Variants in SCARA5 observed in about 807,000 individuals in gnomAD.
SCARA5 encodes scavenger receptor class A member 5.
A neutral mutation model predicts 46.3 loss-of-function variants in SCARA5; 45 were observed. That is an observed-to-expected ratio of 0.97 (90% CI 0.76 to 1.24). The LOEUF is 1.24. Among genes scored for constraint, SCARA5 ranks in the 50% most tolerant of loss-of-function variants. The pLI, the probability that SCARA5 is intolerant of heterozygous loss-of-function variation, is 0.00. For missense variants in SCARA5, 680 were observed against 689.0 expected, an observed-to-expected ratio of 0.99 and a Z score of 0.15; for synonymous variants, 333 against 306.5, an observed-to-expected ratio of 1.09 and a Z score of -0.90.
intron 4 of SCARA5, among the ~76,000 whole-genome samples, chr8:27,910,884 C>T (rs1336082892): frequency 2.0e-5 from 3 of 152,204 alleles, no homozygotes; most frequent in Admixed American, 6.5e-5. Context: ...TTCTGTCATA[C>T]ATGATTGGAT....
At position 27,943,063 on chromosome 8, in the gene SCARA5, C is replaced by T. The variant is rs193251166; in HGVS notation, c.242-20818G>A. ...TCCCTGCTGGCTCCTTGATAGGAAG[C>T]CAGTGGTGGGAGAGGTGCAGTCCTG... On this transcript the variant is annotated intron_variant, in intron 3 of 8. Transcript: ENST00000354914. Among the ~76,000 whole-genome samples, 949 of 152,288 alleles carry T rather than the reference C, an allele frequency of 6.2e-3. 52 individuals are homozygous for T. The highest frequency in any genetic ancestry group is 0.055 in the Admixed American group (839 of 15,296).
At chr8:27,918,727 T>G (rs1344076710) in intron 4 of SCARA5, among the ~76,000 whole-genome samples, 143 of 11,644 alleles carry the variant, frequency 0.012, no homozygotes, top group South Asian at 0.021. Context: ...ATGAGGAGGA[T>G]AAAGAGGAGC....
In SCARA5 at chr8:27,909,650, G is replaced by A. The variant is rs923174987; in HGVS notation, c.997+13C>T. On this transcript the variant is annotated intron_variant, in intron 5 of 8. Transcript: ENST00000354914. ...GATCTCTCCCAGGTACCACCCAGGGGCACGCTCATTACCTCGAAGTCCAGG... is the reference window on the plus strand; with the variant it reads ...GATCTCTCCCAGGTACCACCCAGGGACACGCTCATTACCTCGAAGTCCAGG... 1 of 1,524,942 alleles carries A rather than the reference G, an allele frequency of 6.6e-7. No homozygotes were observed. Among genetic ancestry groups the A allele is most frequent in the Non-Finnish European group, 8.9e-7 (1 of 1,122,804 alleles). 94.5% of individuals were successfully genotyped at this position (1,524,942 alleles called of 1,614,324 possible).
At position 27,909,658 on chromosome 8, in the gene SCARA5, A is replaced by T. The variant is rs1328039815; in HGVS notation, c.997+5T>A. ...CCAGGTACCACCCAGGGGCACGCTC[A>T]TTACCTCGAAGTCCAGGCAATCCAG... On this transcript the variant is annotated splice_donor_5th_base_variant and intron_variant, in intron 5 of 8. Transcript: ENST00000354914. The T allele has an allele frequency of 3.2e-6, 5 of 1,544,434 alleles. No individual in the cohort carries two copies. In the East Asian group the frequency reaches 1.2e-4, roughly 38 times the overall value.
At chr8:27,914,103 G>A (rs998275615) in intron 4 of SCARA5, among the ~76,000 whole-genome samples, 3 of 152,190 alleles carry the variant, frequency 2.0e-5, no homozygotes, top group African/African-American at 7.2e-5. Context: ...TCTCGTGATA[G>A]TGAATAAGTC....
intron 7 of SCARA5, among the ~76,000 whole-genome samples, chr8:27,900,426 C>G (rs2726980): frequency 0.62 from 94,334 of 152,126 alleles, 32,122 homozygotes; most frequent in Non-Finnish European, 0.76. Context: ...ACACTGCATG[C>G]TGGGGTGCCC....
chr8:27,926,709 G>A (rs1210523839), intron 3 of SCARA5, among the ~76,000 whole-genome samples: 2 of 152,170 alleles, frequency 1.3e-5, no homozygotes, highest in Non-Finnish European at 2.9e-5. Context: ...TTGATCTCAA[G>A]TGTGAGATGG....
chr8:27,951,802 CG>C (rs1459800644), intron 3 of SCARA5, among the ~76,000 whole-genome samples: 1 of 152,150 alleles, frequency 6.6e-6, no homozygotes, highest in African/African-American at 2.4e-5. Context: ...ACATTTTTCA[CG>C]GGGAATGACT....
intron 1 of SCARA5, among the ~76,000 whole-genome samples, 159 bp downstream of exon 1, chr8:27,992,098 C>T (rs1808795705): frequency 6.6e-6 from 1 of 152,198 alleles, no homozygotes; most frequent in African/African-American, 2.4e-5. Flanking sequence ...GCGGGCCCAG[C>T]AGGCGGGGAC....
At chr8:27,974,824 C>T (rs535171949) in intron 2 of SCARA5, among the ~76,000 whole-genome samples, 1 of 151,840 alleles carries the variant, frequency 6.6e-6, no homozygotes, top group Non-Finnish European at 1.5e-5. Context: ...GGAGTCACAG[C>T]GGACCCAGGG....
At chr8:27,917,093 C>T (rs1481604903) in intron 4 of SCARA5, among the ~76,000 whole-genome samples, 1 of 152,182 alleles carries the variant, frequency 6.6e-6, no homozygotes. Flanking sequence ...TTTTGGACTG[C>T]CCAGTCCTAG....
chr8:27,918,796 G>C (rs1371817737), intron 4 of SCARA5, among the ~76,000 whole-genome samples: 15 of 65,282 alleles, frequency 2.3e-4, no homozygotes, highest in Non-Finnish European at 4.8e-4. Flanking sequence ...AGGAGAAAGA[G>C]GAGGAGGAGG....
chr8:27,873,311 A>G (rs1443700780), intron 8 of SCARA5, among the ~76,000 whole-genome samples: 5 of 151,904 alleles, frequency 3.3e-5, no homozygotes, highest in Non-Finnish European at 7.4e-5. Flanking sequence ...ACACTTCAAC[A>G]CTATTTTATG....
chr8:27,969,173 C>T (rs1313853385), intron 2 of SCARA5, among the ~76,000 whole-genome samples: 1 of 151,602 alleles, frequency 6.6e-6, no homozygotes, highest in East Asian at 1.9e-4. Flanking sequence ...CATTTATGGA[C>T]TTTTTTTTTC....
At chr8:27,979,543 G>A (rs1269033164) in intron 2 of SCARA5, among the ~76,000 whole-genome samples, 1 of 151,934 alleles carries the variant, frequency 6.6e-6, no homozygotes, top group South Asian at 2.1e-4. Flanking sequence ...TTCAACTGCA[G>A]AGCCTGCCTG....
At chr8:27,913,341 G>A (rs1807409535) in intron 4 of SCARA5, among the ~76,000 whole-genome samples, 1 of 152,216 alleles carries the variant, frequency 6.6e-6, no homozygotes, top group Non-Finnish European at 1.5e-5. Flanking sequence ...GAGCCTCGAG[G>A]GGCCGAGCTG....
intron 7 of SCARA5, among the ~76,000 whole-genome samples, chr8:27,896,567 G>A (rs1164743588): frequency 6.6e-6 from 1 of 152,148 alleles, no homozygotes; most frequent in Non-Finnish European, 1.5e-5. Flanking sequence ...ACATGCAGGA[G>A]CTCAGTGACC....
At chr8:27,969,751 G>T (rs1030664428) in intron 2 of SCARA5, among the ~76,000 whole-genome samples, 17 of 152,216 alleles carry the variant, frequency 1.1e-4, no homozygotes, top group African/African-American at 4.1e-4. Context: ...GCATGGGAAG[G>T]GTGGCAGGCG....
intron 2 of SCARA5, among the ~76,000 whole-genome samples, chr8:27,974,792 G>T (rs1391246599): frequency 1.3e-5 from 2 of 151,882 alleles, no homozygotes; most frequent in African/African-American, 4.8e-5. Flanking sequence ...GCCACCGAGA[G>T]CCACCCACCT....
Sources: gnomAD v4.1 joint callset for allele counts (sites outside exome capture counted in the v4.1 genomes callset) on GRCh38, gnomAD v4.1.1 for gene constraint, MANE v1.5 for transcripts, NCBI Gene and HGNC (gene_info 2026-07-23, HGNC 2026-07-21) for gene names.